The following ARTN variants were observed in gnomAD, a reference collection of about 807,000 sequenced individuals.
ARTN encodes the protein neublastin.
Under a neutral mutation model 15.4 loss-of-function variants are expected in ARTN, and 9 were observed. The ratio of observed to expected loss-of-function variants is 0.58; its 90% CI spans 0.35 to 1.02. The LOEUF (loss-of-function observed/expected upper bound fraction) is 1.02. ARTN is among the 50% of genes least tolerant of loss of function. The pLI is 0.02. For synonymous variants in ARTN, 163 were observed against 155.8 expected (o/e 1.05, Z -0.35); for missense variants, 284 against 327.9 (o/e 0.87, Z 1.03).
intron 2 of ARTN, 113 bp from the exon 3 acceptor site, chr1:43,935,477 A>G (rs1232540487): frequency 3.2e-6 from 2 of 626,450 alleles, no homozygotes; most frequent in Non-Finnish European, 5.7e-6. Flanking sequence ...TTCCCAGTGC[A>G]GCTACTTCTG....
chr1:43,935,808 G>C, intron 3 of ARTN, 92 bp downstream of exon 3: 1 of 1,278,630 alleles, frequency 7.8e-7, no homozygotes, highest in Non-Finnish European at 1.1e-6. Context: ...GCAGCGGTTA[G>C]GTGTGGGAGG....
rs769248831 is a variant in ARTN at position 43,936,663 on chromosome 1, C to T, written c.561C>T (p.Cys187=). The T allele has an allele frequency of 3.8e-6, 6 of 1,596,884 alleles. No homozygotes were observed. In the African/African-American group the frequency reaches 5.4e-5, roughly 14 times the overall value. ...PPGSRPVSQP[C]CRPTRYEAVS... ...GCTCCCGGCCCGTCAGCCAGCCCTGCTGCCGACCCACGCGCTACGAAGCGG... is the reference window on the plus strand; with the variant it reads ...GCTCCCGGCCCGTCAGCCAGCCCTGTTGCCGACCCACGCGCTACGAAGCGG... Residue 187 remains cysteine (C), a synonymous_variant, in exon 5 of 5, where the codon TGC becomes TGT. Coordinates refer to ENST00000372359, the MANE Select transcript of ARTN (RefSeq NM_057091.3). The surrounding 1 kb of genome is among the most constrained non-coding windows in gnomAD (Gnocchi z 6.6).
intron 2 of ARTN, 163 bp from the exon 3 acceptor site, chr1:43,935,427 T>G (rs2085079730): frequency 9.1e-6 from 5 of 550,116 alleles, no homozygotes; most frequent in Middle Eastern, 4.7e-4. Flanking sequence ...CTCATGGAGT[T>G]GTGAAAGAAT....
Position 43,936,629 on chromosome 1 carries a change from C to A in ARTN, c.527C>A (p.Pro176Gln), listed in dbSNP as rs780932734. The change falls in exon 5 of 5, where the codon CCG (proline) becomes CAG (glutamine). Residue 176 changes from proline to glutamine, a missense_variant. Physicochemically the swap from Pro to Gln is moderately conservative, Grantham distance 76 (BLOSUM62 -1). Coordinates refer to ENST00000372359, the MANE Select transcript of ARTN (RefSeq NM_057091.3). The surrounding 1 kb of genome is among the most constrained non-coding windows in gnomAD (Gnocchi z 6.6). ...CTACTGGGCGCCGGGGCCCTGCGAC[C>A]GCCCCCGGGCTCCCGGCCCGTCAGC... The part of the protein sequence containing the change: ...ASLLGAGALR[P>Q]PPGSRPVSQP... 1.3e-6 allele frequency: 2 copies of A among 1,593,768 alleles called. No individual in the cohort carries two copies. Among genetic ancestry groups the A allele is most frequent in the East Asian group, 2.3e-5 (1 of 43,440 alleles).
chr1:43,935,650 G>A lies in ARTN; in HGVS notation c.-7G>A. ...ATGGCTGATGGGCGCTCCTGGTGTTGATAGAGATGGAACTTGGACTTGGAG... is the reference window on the plus strand; with the variant it reads ...ATGGCTGATGGGCGCTCCTGGTGTTAATAGAGATGGAACTTGGACTTGGAG... On this transcript the variant is annotated 5_prime_UTR_variant, in exon 3 of 5. It removes the in-frame stop codon of an upstream open reading frame in the 5' UTR. Transcript: ENST00000372359. The A allele has an allele frequency of 6.2e-7, 1 of 1,613,470 alleles. No homozygotes were observed. Among genetic ancestry groups the A allele is most frequent in the Non-Finnish European group, 8.5e-7 (1 of 1,179,688 alleles).
In ARTN at chr1:43,936,334, G is replaced by A; in HGVS notation, c.232G>A (p.Ala78Thr). The change falls in exon 5 of 5, where the codon GCC (alanine) becomes ACC (threonine). Residue 78 changes from alanine (A) to threonine (T), a missense_variant. Coordinates refer to ENST00000372359, the MANE Select transcript of ARTN (RefSeq NM_057091.3). This position sits in a 1 kb window ranked among gnomAD's most constrained non-coding sequence, Gnocchi z 6.6. ...CACGGCCCGCTGGTGCAGTGGAAGA[G>A]CCCGGCGGCCGCCGCCGCAGCCTTC... ...GRTARWCSGR[A>T]RRPPPQPSRP... The A allele has an allele frequency of 1.5e-6, 2 of 1,331,788 alleles. No homozygotes were observed. The highest frequency in any genetic ancestry group is 1.9e-6 in the Non-Finnish European group (2 of 1,047,858). The allele number at this position is 1,331,788 out of a possible 1,614,324, so 82.5% of individuals were successfully genotyped here. A position where few individuals can be genotyped will look rare whatever the true frequency, so the allele number is the denominator to read the frequency against.
intron 2 of ARTN, chr1:43,934,643 G>T (rs1162758313): frequency 6.6e-6 from 1 of 152,614 alleles, no homozygotes; most frequent in Non-Finnish European, 1.5e-5. Context: ...CCCCAAAAGG[G>T]TGTTTGGGAG....
At position 43,936,802 on chromosome 1, in the gene ARTN, C is replaced by G. The variant is rs1175174127; in HGVS notation, c.*37C>G. On this transcript the variant is annotated 3_prime_UTR_variant, in exon 5 of 5. Transcript: ENST00000372359. The surrounding 1 kb of genome is among the most constrained non-coding windows in gnomAD (Gnocchi z 6.6). ...AGGGCTTTGCAGACTGGACCCTTAC[C>G]GGTGGCTCTTCCTGCCTGGGACCCT... is the stretch of plus-strand genomic sequence containing the variant. 1 of 1,395,018 alleles carries G rather than the reference C, an allele frequency of 7.2e-7. No individual in the cohort carries two copies. The highest frequency in any genetic ancestry group is 2.9e-5 in the Admixed American group (1 of 34,946). 86.4% of individuals were successfully genotyped at this position (1,395,018 alleles called of 1,614,324 possible).
In ARTN at chr1:43,936,321, G is replaced by C; in HGVS notation, c.219G>C (p.Trp73Cys). 7.4e-7 allele frequency: 1 copy of C among 1,353,964 alleles called. No homozygotes were observed. The highest frequency in any genetic ancestry group is 9.4e-7 in the Non-Finnish European group (1 of 1,061,492). 83.9% of individuals were successfully genotyped at this position (1,353,964 alleles called of 1,614,324 possible). A position where few individuals can be genotyped will look rare whatever the true frequency, so the allele number is the denominator to read the frequency against. Residue 73 changes from tryptophan (W) to cysteine (C), a missense_variant, in exon 5 of 5, where the codon TGG becomes TGC. By Grantham distance (215) the Trp-to-Cys change is radical. Transcript: ENST00000372359. The surrounding 1 kb of genome is among the most constrained non-coding windows in gnomAD (Gnocchi z 6.6). Reference protein sequence around the residue: ...GHLPGGRTARWCSGRARRPPP... With the variant: ...GHLPGGRTARCCSGRARRPPP... ...TTCCAGGGGGACGCACGGCCCGCTG[G>C]TGCAGTGGAAGAGCCCGGCGGCCGC...
chr1:43,935,077 C>T (rs188294712), intron 2 of ARTN, among the ~76,000 whole-genome samples: 25 of 152,306 alleles, frequency 1.6e-4, no homozygotes, highest in Middle Eastern at 6.8e-3. Flanking sequence ...CACAGAGGGG[C>T]GAGGTGAAGC....
At chr1:43,935,325 C>A in intron 2 of ARTN, 1 of 320,458 alleles carries the variant, frequency 3.1e-6, no homozygotes, top group Non-Finnish European at 5.7e-6. Flanking sequence ...CCCTCTCTCC[C>A]CTCCAGCTGT....
chr1:43,935,869 C>A, intron 3 of ARTN, 153 bp downstream of exon 3: 1 of 915,254 alleles, frequency 1.1e-6, no homozygotes, highest in Non-Finnish European at 1.7e-6. Flanking sequence ...CGGGACTTCT[C>A]TGAATGGTCG....
rs1318518060 is a variant in ARTN at position 43,936,040 on chromosome 1, C to T, written c.61-53C>T. The stretch of plus-strand genomic sequence containing the variant: ...CTCCTTGAGGTCCTTCCTCCCCAAG[C>T]CCACCTGGGTGCCCTCTTTCTCCCT... On this transcript the variant is annotated intron_variant, in intron 3 of 4. Coordinates refer to ENST00000372359, the MANE Select transcript of ARTN (RefSeq NM_057091.3). The surrounding 1 kb of genome is among the most constrained non-coding windows in gnomAD (Gnocchi z 6.6). 6.2e-7 allele frequency: 1 copy of T among 1,613,174 alleles called. No homozygotes were observed. The highest frequency in any genetic ancestry group is 1.3e-5 in the African/African-American group (1 of 74,932).
chr1:43,936,406 G>C lies in ARTN; in HGVS notation c.304G>C (p.Gly102Arg). The C allele has an allele frequency of 1.7e-6, 2 of 1,185,138 alleles. No homozygotes were observed. The highest frequency in any genetic ancestry group is 2.1e-6 in the Non-Finnish European group (2 of 958,658). The allele number at this position is 1,185,138 out of a possible 1,614,324, so 73.4% of individuals were successfully genotyped here. Residue 102 changes from glycine (G) to arginine (R), a missense_variant, in exon 5 of 5, where the codon GGG becomes CGG. Transcript: ENST00000372359. The surrounding 1 kb of genome is among the most constrained non-coding windows in gnomAD (Gnocchi z 6.6). Reference protein sequence around the residue: ...PPAPPSALPRGGRAARAGGPG... With the variant: ...PPAPPSALPRRGRAARAGGPG... ...TGCACCCCCATCTGCTCTTCCCCGCGGGGGCCGCGCGGCGCGGGCTGGGGG... is the reference window on the plus strand; with the variant it reads ...TGCACCCCCATCTGCTCTTCCCCGCCGGGGCCGCGCGGCGCGGGCTGGGGG...
In ARTN at chr1:43,936,772, G is replaced by A; in HGVS notation, c.*7G>A. On this transcript the variant is annotated 3_prime_UTR_variant, in exon 5 of 5. Coordinates refer to ENST00000372359, the MANE Select transcript of ARTN (RefSeq NM_057091.3). The surrounding 1 kb of genome is among the most constrained non-coding windows in gnomAD (Gnocchi z 6.6). The stretch of plus-strand genomic sequence containing the variant: ...CTGCGGCTGCCTGGGCTGAGGGCTC[G>A]CTCCAGGGCTTTGCAGACTGGACCC... 6.8e-7 allele frequency: 1 copy of A among 1,463,524 alleles called. No homozygotes were observed. The highest frequency in any genetic ancestry group is 9.1e-7 in the Non-Finnish European group (1 of 1,099,966). 90.7% of individuals were successfully genotyped at this position (1,463,524 alleles called of 1,614,324 possible).
At chr1:43,934,912 A>G (rs2085074781) in intron 2 of ARTN, among the ~76,000 whole-genome samples, 2 of 152,198 alleles carry the variant, frequency 1.3e-5, no homozygotes, top group Non-Finnish European at 2.9e-5. Context: ...CAGGCTTGGC[A>G]GACTCTGCCC....
intron 2 of ARTN, chr1:43,935,319 C>T (rs1444007372): frequency 9.7e-6 from 3 of 308,388 alleles, no homozygotes; most frequent in Non-Finnish European, 1.2e-5. Flanking sequence ...GAGGACCCCT[C>T]TCTCCCCTCC....
rs2085104055 is a variant in ARTN at position 43,936,741 on chromosome 1, C to T, written c.639C>T (p.Ala213=). ...GGAGAACCGTGGACCGCCTCTCCGCCACCGCCTGCGGCTGCCTGGGCTGAG... is the reference window on the plus strand; with the variant it reads ...GGAGAACCGTGGACCGCCTCTCCGCTACCGCCTGCGGCTGCCTGGGCTGAG... ...STWRTVDRLS[A]TACGCLG Residue 213 remains alanine (A), a synonymous_variant, in exon 5 of 5, where the codon GCC becomes GCT. Transcript: ENST00000372359. This position sits in a 1 kb window ranked among gnomAD's most constrained non-coding sequence, Gnocchi z 6.6. The T allele has an allele frequency of 5.9e-6, 9 of 1,523,788 alleles. No individual in the cohort carries two copies. Among genetic ancestry groups the T allele is most frequent in the Non-Finnish European group, 8.0e-6 (9 of 1,128,882 alleles). 94.4% of individuals were successfully genotyped at this position (1,523,788 alleles called of 1,614,324 possible).
chr1:43,936,111 C>G lies in ARTN; in HGVS notation c.79C>G (p.Leu27Val). 6.2e-7 allele frequency: 1 copy of G among 1,609,124 alleles called. No homozygotes were observed. The highest frequency in any genetic ancestry group is 8.5e-7 in the Non-Finnish European group (1 of 1,179,788). ...CGCGCAGCCTGCCCTGTGGCCCACCCTGGCCGCTCTGGCTCTGCTGAGCAG... is the reference window on the plus strand; with the variant it reads ...CGCGCAGCCTGCCCTGTGGCCCACCGTGGCCGCTCTGGCTCTGCTGAGCAG... ...PRQQPALWPT[L>V]AALALLSSVA... Residue 27 changes from leucine (L) to valine (V), a missense_variant, in exon 4 of 5, where the codon CTG (leucine) becomes GTG (valine). Coordinates refer to ENST00000372359, the MANE Select transcript of ARTN (RefSeq NM_057091.3). The surrounding 1 kb of genome is among the most constrained non-coding windows in gnomAD (Gnocchi z 6.6).
Sources: gnomAD v4.1 joint callset for allele counts (sites outside exome capture counted in the v4.1 genomes callset) on GRCh38, gnomAD v4.1.1 for gene constraint, Gnocchi (gnomAD v3.1) non-coding constraint, MANE v1.5 for transcripts, NCBI Gene and HGNC (gene_info 2026-07-23, HGNC 2026-07-21) for gene names.